Variants in DRC11 observed in about 807,000 individuals in gnomAD.
DRC11 encodes the protein dynein regulatory complex subunit 11, also known as IQ and AAA domain-containing protein 1.
the DRC11 span, among the ~76,000 whole-genome samples, chr2:236,418,010 GC>G: frequency 1.3e-5 from 2 of 152,136 alleles, no homozygotes; most frequent in Non-Finnish European, 2.9e-5. Context: ...CCAAGTCTTT[GC>G]TATTGTAAAT....
At chr2:236,322,160 C>A in the DRC11 span, among the ~76,000 whole-genome samples, 1 of 152,000 alleles carries the variant, frequency 6.6e-6, no homozygotes, top group Non-Finnish European at 1.5e-5. Flanking sequence ...AGCCAGAAGC[C>A]CCTCTCAGGT....
At chr2:236,491,222 TATATATATATATATATATACACA>T in the DRC11 span, among the ~76,000 whole-genome samples, 1 of 50,304 alleles carries the variant, frequency 2.0e-5, no homozygotes, top group Admixed American at 1.9e-4. Flanking sequence ...ACACACAGTA[TATATATATATATATATATACACA>T]GTATATATAT....
the DRC11 span, among the ~76,000 whole-genome samples, chr2:236,459,662 T>TATATACGTATATATGTATATAC: frequency 1.4e-5 from 2 of 145,292 alleles, no homozygotes; most frequent in African/African-American, 5.1e-5. Context: ...TGTATATACA[T>TATATACGTATATATGTATATAC]ACGTATATAC....
the DRC11 span, chr2:236,503,520 C>T: frequency 9.2e-7 from 1 of 1,088,220 alleles, no homozygotes; most frequent in Non-Finnish European, 1.4e-6. The surrounding 1 kb of genome is among the most constrained non-coding windows in gnomAD (Gnocchi z 4.9). Flanking sequence ...TTTCTTTCTT[C>T]CCCAACTGCA....
the DRC11 span, among the ~76,000 whole-genome samples, chr2:236,346,916 G>T: frequency 6.6e-6 from 1 of 152,166 alleles, no homozygotes; most frequent in Admixed American, 6.5e-5. Context: ...GACCTTCTAG[G>T]GACATTCGAC....
chr2:236,491,130 TATATATATACAGTATATATATAC>T, the DRC11 span, among the ~76,000 whole-genome samples: 1 of 115,642 alleles, frequency 8.6e-6, no homozygotes, highest in African/African-American at 3.6e-5. Context: ...TGTGTATATA[TATATATATACAGTATATATATAC>T]ACACAGTATA....
At chr2:236,430,198 A>C in the DRC11 span, among the ~76,000 whole-genome samples, 1 of 149,108 alleles carries the variant, frequency 6.7e-6, no homozygotes, top group African/African-American at 2.5e-5. The surrounding 1 kb of genome is among the most constrained non-coding windows in gnomAD (Gnocchi z 6.0). Flanking sequence ...ATATACATAT[A>C]ACACACACAC....
At chr2:236,328,797 G>A in the DRC11 span, among the ~76,000 whole-genome samples, 9 of 152,166 alleles carry the variant, frequency 5.9e-5, no homozygotes, top group African/African-American at 2.2e-4. The surrounding 1 kb of genome is among the most constrained non-coding windows in gnomAD (Gnocchi z 6.7). Context: ...ATGAATTTCA[G>A]CTCTGCTACT....
At chr2:236,462,400 G>A in the DRC11 span, among the ~76,000 whole-genome samples, 8 of 152,280 alleles carry the variant, frequency 5.3e-5, no homozygotes, top group South Asian at 4.2e-4. The surrounding 1 kb of genome is among the most constrained non-coding windows in gnomAD (Gnocchi z 6.4). Flanking sequence ...CGCCGGGTGC[G>A]GTGGCTCATG....
chr2:236,433,293 A>G, the DRC11 span, among the ~76,000 whole-genome samples: 1 of 152,144 alleles, frequency 6.6e-6, no homozygotes, highest in East Asian at 1.9e-4. Flanking sequence ...CAATGCCCCA[A>G]TATAATGCTA....
the DRC11 span, among the ~76,000 whole-genome samples, chr2:236,389,590 A>G: frequency 6.6e-6 from 1 of 152,080 alleles, no homozygotes; most frequent in Admixed American, 6.5e-5. Context: ...TGAACCCGGT[A>G]CCTCAGATGG....
the DRC11 span, among the ~76,000 whole-genome samples, chr2:236,459,672 CGTATATAT>C: frequency 6.3e-5 from 9 of 142,834 alleles, no homozygotes; most frequent in South Asian, 2.2e-4. Context: ...TACGTATATA[CGTATATAT>C]GTATATACAT....
At chr2:236,345,794 T>G in the DRC11 span, among the ~76,000 whole-genome samples, 1 of 152,236 alleles carries the variant, frequency 6.6e-6, no homozygotes, top group Non-Finnish European at 1.5e-5. Context: ...ATAAAAGCCA[T>G]GGTGAATACA....
the DRC11 span, among the ~76,000 whole-genome samples, chr2:236,417,830 T>C: frequency 3.9e-5 from 6 of 152,092 alleles, no homozygotes; most frequent in African/African-American, 1.2e-4. Flanking sequence ...CATGTGGTGT[T>C]TGGTTTTCTG....
At chr2:236,379,064 TC>T in the DRC11 span, among the ~76,000 whole-genome samples, 4 of 152,244 alleles carry the variant, frequency 2.6e-5, no homozygotes, top group African/African-American at 9.6e-5. Flanking sequence ...TGTTCTGGCC[TC>T]CCTGGAGGCC....
the DRC11 span, among the ~76,000 whole-genome samples, chr2:236,388,638 G>A: frequency 9.6e-5 from 14 of 145,150 alleles, no homozygotes; most frequent in South Asian, 6.8e-4. Context: ...TAATTTGATC[G>A]TCTGAAGCCT....
the DRC11 span, among the ~76,000 whole-genome samples, chr2:236,357,390 T>TATTATAAATA: frequency 5.3e-5 from 6 of 114,012 alleles, no homozygotes; most frequent in Non-Finnish European, 9.5e-5. Context: ...AGTATAGATA[T>TATTATAAATA]TATATAGTAT....
the DRC11 span, among the ~76,000 whole-genome samples, chr2:236,399,844 T>C: frequency 1.1e-4 from 17 of 152,264 alleles, no homozygotes; most frequent in Non-Finnish European, 2.1e-4. The surrounding 1 kb of genome is among the most constrained non-coding windows in gnomAD (Gnocchi z 7.0). Flanking sequence ...GCCTCCCCAG[T>C]AGCTGGGACT....
chr2:236,392,208 T>C, the DRC11 span: 1 of 1,480,554 alleles, frequency 6.8e-7, no homozygotes, highest in Non-Finnish European at 9.4e-7. This position sits in a 1 kb window ranked among gnomAD's most constrained non-coding sequence, Gnocchi z 5.1. Flanking sequence ...TTGAAGTAAA[T>C]GATTTGCTGT....
Sources: gnomAD v4.1 joint callset for allele counts (sites outside exome capture counted in the v4.1 genomes callset) on GRCh38, gnomAD v4.1.1 for gene constraint, Gnocchi (gnomAD v3.1) non-coding constraint, MANE v1.5 for transcripts, NCBI Gene and HGNC (gene_info 2026-07-23, HGNC 2026-07-21) for gene names.